Variants in ENOX1 observed in about 807,000 individuals in gnomAD.
ENOX1 encodes the protein candidate growth-related and time keeping constitutive hydroquinone (NADH) oxidase.
A neutral mutation model predicts 82.5 loss-of-function variants in ENOX1; 42 were observed. The observed-to-expected ratio is 0.51, with a 90% CI of 0.40 to 0.66. The LOEUF (loss-of-function observed/expected upper bound fraction) is 0.66. ENOX1 is among the 30% of genes least tolerant of loss of function. ENOX1 has a pLI of 0.00. For missense variants in ENOX1, 608 were observed against 811.6 expected, an observed-to-expected ratio of 0.75 and a Z score of 3.05; for synonymous variants, 271 against 282.2, an observed-to-expected ratio of 0.96 and a Z score of 0.40.
chr13:43,477,388 A>AT (rs1303112140), intron 3 of ENOX1, among the ~76,000 whole-genome samples: 2 of 152,110 alleles, frequency 1.3e-5, no homozygotes, highest in African/African-American at 2.4e-5. Flanking sequence ...AAAAATTAAC[A>AT]TTTTTTTGAA....
At chr13:43,746,686 A>G (rs1425603770) in intron 1 of ENOX1, among the ~76,000 whole-genome samples, 1 of 152,128 alleles carries the variant, frequency 6.6e-6, no homozygotes, top group Non-Finnish European at 1.5e-5. Flanking sequence ...GAAGAAAGTA[A>G]GTAGAAAAAA....
At chr13:43,471,903 G>T (rs2058086114) in intron 3 of ENOX1, among the ~76,000 whole-genome samples, 1 of 151,822 alleles carries the variant, frequency 6.6e-6, no homozygotes, top group Non-Finnish European at 1.5e-5. Context: ...ATGCACAGTG[G>T]TGGGTATATG....
chr13:43,355,825 C>T lies in ENOX1; in HGVS notation c.823+94G>A, dbSNP rs2050111437. On this transcript the variant is annotated intron_variant, in intron 8 of 16. Transcript: ENST00000690772. The stretch of plus-strand genomic sequence containing the variant: ...TTCTTAAGGCATAGCAGACATTGTG[C>T]TGAAGGGACAATGGTGGACGCAGGA... The T allele has an allele frequency of 2.4e-6, 3 of 1,232,738 alleles. No individual in the cohort carries two copies. The African/African-American group carries it at 4.5e-5, about 18-fold the overall frequency. The allele number at this position is 1,232,738 out of a possible 1,614,324, so 76.4% of individuals were successfully genotyped here.
At chr13:43,450,124 G>C (rs973394) in intron 3 of ENOX1, among the ~76,000 whole-genome samples, 67,487 of 151,934 alleles carry the variant, frequency 0.44, 15,461 homozygotes, top group Non-Finnish European at 0.5. Context: ...GATTTACAAC[G>C]TTCTATGTGG....
intron 2 of ENOX1, among the ~76,000 whole-genome samples, chr13:43,626,649 G>C (rs958823864): frequency 6.6e-6 from 1 of 151,764 alleles, no homozygotes; most frequent in Admixed American, 6.6e-5. Flanking sequence ...TTGGATCAGA[G>C]AACATACTCT....
At chr13:43,472,078 C>T (rs989990271) in intron 3 of ENOX1, among the ~76,000 whole-genome samples, 3 of 151,568 alleles carry the variant, frequency 2.0e-5, no homozygotes, top group Admixed American at 6.6e-5. Flanking sequence ...AGTTACTAGC[C>T]ATGCTTCATA....
chr13:43,570,878 G>T (rs144044536), intron 2 of ENOX1, among the ~76,000 whole-genome samples: 1 of 152,248 alleles, frequency 6.6e-6, no homozygotes, highest in African/African-American at 2.4e-5. Context: ...GTATATTTTA[G>T]GCAAGATGTC....
chr13:43,541,178 T>TTTTTTTTTTTTTTTG, intron 2 of ENOX1, among the ~76,000 whole-genome samples: 1 of 35,708 alleles, frequency 2.8e-5, no homozygotes, highest in African/African-American at 1.3e-4. Flanking sequence ...CCTCTGTTTT[T>TTTTTTTTTTTTTTTG]TTTTTTTTTT....
At chr13:43,648,879 T>C (rs549406794) in intron 2 of ENOX1, among the ~76,000 whole-genome samples, 1 of 152,336 alleles carries the variant, frequency 6.6e-6, no homozygotes, top group Non-Finnish European at 1.5e-5. Context: ...CTGTGACGGC[T>C]ACATTGCTGT....
chr13:43,719,302 T>TACACAA (rs1555368264), intron 1 of ENOX1, among the ~76,000 whole-genome samples: 1 of 126,788 alleles, frequency 7.9e-6, no homozygotes, highest in East Asian at 2.3e-4. Context: ...TTCATTCAAA[T>TACACAA]ACACACACAC....
chr13:43,301,847 G>A (rs1266085180), intron 11 of ENOX1, among the ~76,000 whole-genome samples: 2 of 152,022 alleles, frequency 1.3e-5, no homozygotes, highest in African/African-American at 4.8e-5. Context: ...AGGCTGCCTG[G>A]AAGAGGCTAT....
chr13:43,307,112 C>T (rs1207197840), intron 11 of ENOX1, among the ~76,000 whole-genome samples: 1 of 152,228 alleles, frequency 6.6e-6, no homozygotes, highest in African/African-American at 2.4e-5. Flanking sequence ...GGCACCAAGA[C>T]TTCACTTTTA....
intron 2 of ENOX1, among the ~76,000 whole-genome samples, chr13:43,530,882 C>T (rs1445315431): frequency 6.6e-6 from 1 of 151,724 alleles, no homozygotes; most frequent in African/African-American, 2.4e-5. Context: ...TTAGATTAGC[C>T]AGTTAATCTC....
At chr13:43,572,750 T>A (rs1464884469) in intron 2 of ENOX1, among the ~76,000 whole-genome samples, 1 of 152,240 alleles carries the variant, frequency 6.6e-6, no homozygotes, top group Non-Finnish European at 1.5e-5. Flanking sequence ...ATGTGTTCCA[T>A]TGTGGCAATT....
intron 2 of ENOX1, among the ~76,000 whole-genome samples, chr13:43,618,945 TC>T (rs2082602982): frequency 6.6e-6 from 1 of 151,794 alleles, no homozygotes; most frequent in Non-Finnish European, 1.5e-5. Flanking sequence ...CTTGTAGAAG[TC>T]TTTCAACTCC....
chr13:43,688,194 TA>T (rs5803201), intron 1 of ENOX1, among the ~76,000 whole-genome samples: 151,579 of 152,194 alleles, frequency 1, 75,485 homozygotes, highest in East Asian at 1. Flanking sequence ...GTGGTATCAT[TA>T]ACGGGAGGTT....
At chr13:43,625,763 T>C (rs1280562260) in intron 2 of ENOX1, among the ~76,000 whole-genome samples, 1 of 151,980 alleles carries the variant, frequency 6.6e-6, no homozygotes, top group Non-Finnish European at 1.5e-5. Flanking sequence ...CTAAGTATTT[T>C]TACTTCTCTA....
rs570690241 is a variant in ENOX1 at position 43,362,567 on chromosome 13, C to A, written c.209-1115G>T. Among the ~76,000 whole-genome samples the A allele has an allele frequency of 9.2e-5, 14 of 151,812 alleles. No homozygotes were observed. In the South Asian group the frequency reaches 2.5e-3, roughly 27 times the overall value. On this transcript the variant is annotated intron_variant, in intron 5 of 16. Transcript: ENST00000690772. ...TGCCCGCCACCCCTGCCCCCGACAACCCCTTTGTACAGTTCTCCTGTACAG... is the reference window on the plus strand; with the variant it reads ...TGCCCGCCACCCCTGCCCCCGACAAACCCTTTGTACAGTTCTCCTGTACAG...
chr13:43,377,320 A>G (rs1488604949), intron 5 of ENOX1, among the ~76,000 whole-genome samples: 1 of 152,216 alleles, frequency 6.6e-6, no homozygotes, highest in African/African-American at 2.4e-5. Context: ...ATGCAACAAG[A>G]AGGCCCTCAC....
Sources: allele counts gnomAD v4.1 joint callset (sites outside exome capture counted in the v4.1 genomes callset), GRCh38; gene constraint gnomAD v4.1.1; transcripts MANE v1.5; gene names NCBI Gene and HGNC (gene_info 2026-07-23, HGNC 2026-07-21).